The following SNCG variants were observed in gnomAD, a reference collection of about 807,000 sequenced individuals.
The protein encoded by SNCG is gamma-synuclein.
Under a neutral mutation model 16.0 loss-of-function variants are expected in SNCG, and 13 were observed. The observed-to-expected ratio is 0.81, with a 90% CI of 0.53 to 1.29. SNCG has a LOEUF of 1.29. Ranked by LOEUF, SNCG falls within the 50% of genes most tolerant of loss-of-function variation. The probability of loss-of-function intolerance (pLI) is 0.00; values close to 1 mark genes in which losing one functional copy is unlikely to be tolerated. For synonymous variants in SNCG, 66 were observed against 66.3 expected, an observed-to-expected ratio of 1.00 and a Z score of 0.02; for missense variants, 154 against 168.5, an observed-to-expected ratio of 0.91 and a Z score of 0.48.
At chr10:86,962,262 C>T (rs1477549275) in intron 3 of SNCG, among the ~76,000 whole-genome samples, 4 of 152,222 alleles carry the variant, frequency 2.6e-5, no homozygotes, top group Non-Finnish European at 5.9e-5. Flanking sequence ...AGACCTGGGG[C>T]TTCAGGGGCC....
At chr10:86,957,267 T>G, upstream of SNCG, 1 of 1,125,392 alleles carries the variant, frequency 8.9e-7, no homozygotes, top group Non-Finnish European at 1.3e-6. Flanking sequence ...ATAGATACTA[T>G]TAGCCCATTT....
In SNCG at chr10:86,959,503, G is replaced by T; in HGVS notation, c.122-130G>T. ...CAGGAAGAGGCCCTCTGAAGGGGCC[G>T]CCGGCCCCCAGACACCATCCTTACC... On this transcript the variant is annotated intron_variant, in intron 1 of 4. Coordinates refer to ENST00000372017, the MANE Select transcript of SNCG (RefSeq NM_003087.3). This position sits in a 1 kb window ranked among gnomAD's most constrained non-coding sequence, Gnocchi z 4.3. 1 of 750,266 alleles carries T rather than the reference G, an allele frequency of 1.3e-6. No individual in the cohort carries two copies. The allele number at this position is 750,266 out of a possible 1,614,324, so 46.5% of individuals were successfully genotyped here.
chr10:86,959,061 G>C lies in SNCG; in HGVS notation c.121+243G>C, dbSNP rs1367328955. On this transcript the variant is annotated intron_variant, in intron 1 of 4. Coordinates refer to ENST00000372017, the MANE Select transcript of SNCG (RefSeq NM_003087.3). The surrounding 1 kb of genome is among the most constrained non-coding windows in gnomAD (Gnocchi z 4.3). ...AGACCGCAGACAGGGCTGGCTACCT[G>C]TCTGTGCACGCACACACACATTCCC... is the stretch of plus-strand genomic sequence containing the variant. Among the ~76,000 whole-genome samples the C allele has an allele frequency of 2.0e-5, 3 of 152,144 alleles. No individual in the cohort carries two copies. The highest frequency in any genetic ancestry group is 4.4e-5 in the Non-Finnish European group (3 of 68,002).
chr10:86,963,251 C>G lies in SNCG; in HGVS notation c.*266C>G. On this transcript the variant is annotated 3_prime_UTR_variant, in exon 5 of 5. Coordinates refer to ENST00000372017, the MANE Select transcript of SNCG (RefSeq NM_003087.3). ...AAATGATTCCAAATAAAACTTGAGC[C>G]CACTCCTGCCATGCTTCCTCTGGGT... 2.5e-6 allele frequency: 1 copy of G among 404,256 alleles called. No homozygotes were observed. The highest frequency in any genetic ancestry group is 4.4e-6 in the Non-Finnish European group (1 of 227,356). 25.0% of individuals were successfully genotyped at this position (404,256 alleles called of 1,614,324 possible). A position where few individuals can be genotyped will look rare whatever the true frequency, so the allele number is the denominator to read the frequency against.
rs1389403924 is a variant in SNCG at position 86,959,050 on chromosome 10, G to T, written c.121+232G>T. ...CTGGGTGTCAGAGACCGCAGACAGG[G>T]CTGGCTACCTGTCTGTGCACGCACA... is the stretch of plus-strand genomic sequence containing the variant. On this transcript the variant is annotated intron_variant, in intron 1 of 4. Coordinates refer to ENST00000372017, the MANE Select transcript of SNCG (RefSeq NM_003087.3). This position sits in a 1 kb window ranked among gnomAD's most constrained non-coding sequence, Gnocchi z 4.3. Among the ~76,000 whole-genome samples the T allele has an allele frequency of 6.6e-6, 1 of 152,138 alleles. No homozygotes were observed. The highest frequency in any genetic ancestry group is 1.9e-4 in the East Asian group (1 of 5,182).
chr10:86,956,083 G>A (rs545739827), upstream of SNCG, among the ~76,000 whole-genome samples: 29 of 152,174 alleles, frequency 1.9e-4, no homozygotes, highest in Non-Finnish European at 3.4e-4. Context: ...AGACTAAGGC[G>A]TGGAGCTTCC....
upstream of SNCG, chr10:86,957,494 C>T (rs773902733): frequency 5.0e-6 from 8 of 1,613,038 alleles, no homozygotes; most frequent in Non-Finnish European, 6.8e-6. Flanking sequence ...CCCCCAGCAG[C>T]CCCCAGCCCA....
At chr10:86,956,775 G>C (rs769253126), upstream of SNCG, among the ~76,000 whole-genome samples, 1 of 152,224 alleles carries the variant, frequency 6.6e-6, no homozygotes, top group Non-Finnish European at 1.5e-5. Flanking sequence ...GATGAGGGGG[G>C]ACTTACAGGC....
upstream of SNCG, chr10:86,958,497 T>TACCAC: frequency 9.1e-7 from 1 of 1,098,150 alleles, no homozygotes; most frequent in Non-Finnish European, 1.2e-6. Context: ...TGAACCTCCT[T>TACCAC]CCCTCCCTCC....
chr10:86,960,139 G>A lies in SNCG; in HGVS notation c.291+11G>A. On this transcript the variant is annotated intron_variant, in intron 3 of 4. Transcript: ENST00000372017. ...GGGGTGGTGCGCAAGGTGAGCCCCG[G>A]CCCTCAGACCTGCCCAGTCCTCTCC... 3 of 1,609,310 alleles carry A rather than the reference G, an allele frequency of 1.9e-6. No homozygotes were observed. Among genetic ancestry groups the A allele is most frequent in the Middle Eastern group, 1.7e-4 (1 of 6,040 alleles).
Position 86,959,483 on chromosome 10 carries a change from A to C in SNCG, c.122-150A>C. On this transcript the variant is annotated intron_variant, in intron 1 of 4. Transcript: ENST00000372017. This position sits in a 1 kb window ranked among gnomAD's most constrained non-coding sequence, Gnocchi z 4.3. ...TCCACTTCTTCCAGACACAGCAGGA[A>C]GAGGCCCTCTGAAGGGGCCGCCGGC... 7 of 674,330 alleles carry C rather than the reference A, an allele frequency of 1.0e-5. No homozygotes were observed. Among genetic ancestry groups the C allele is most frequent in the East Asian group, 2.7e-5 (1 of 36,796 alleles). 41.8% of individuals were successfully genotyped at this position (674,330 alleles called of 1,614,324 possible). A position where few individuals can be genotyped will look rare whatever the true frequency, so the allele number is the denominator to read the frequency against.
chr10:86,958,880 T>C (rs1844286113), intron 1 of SNCG, 62 bp downstream of exon 1: 5 of 1,521,272 alleles, frequency 3.3e-6, no homozygotes, highest in Non-Finnish European at 4.5e-6. Context: ...CCAGTTACCT[T>C]CGCCAGACCT....
At chr10:86,960,710 T>G (rs1005566526) in intron 3 of SNCG, among the ~76,000 whole-genome samples, 1 of 152,200 alleles carries the variant, frequency 6.6e-6, no homozygotes, top group East Asian at 1.9e-4. Flanking sequence ...AATGTGTGGG[T>G]GTACATGCGT....
chr10:86,960,776 C>T (rs970946940), intron 3 of SNCG, among the ~76,000 whole-genome samples: 3 of 152,220 alleles, frequency 2.0e-5, no homozygotes, highest in Non-Finnish European at 2.9e-5. Context: ...AGCAGTGGGG[C>T]GCACCCCAGG....
chr10:86,957,238 C>T (rs1480437644), upstream of SNCG: 24 of 877,748 alleles, frequency 2.7e-5, no homozygotes, highest in Non-Finnish European at 4.1e-5. Context: ...ACTTTTTCAG[C>T]CTCACAGATG....
chr10:86,958,661 C>G lies in SNCG; in HGVS notation c.-37C>G. ...CGCAGCTCGCAGGGAGATCCAGCTC[C>G]GTCCTGCCTGCAGCAGCACAACCCT... On this transcript the variant is annotated 5_prime_UTR_variant, in exon 1 of 5. Transcript: ENST00000372017. The G allele has an allele frequency of 6.2e-7, 1 of 1,612,816 alleles. No individual in the cohort carries two copies. Among genetic ancestry groups the G allele is most frequent in the Non-Finnish European group, 8.5e-7 (1 of 1,179,714 alleles).
rs1312513240 is a variant in SNCG at position 86,962,584 on chromosome 10, C to A, written c.292-20C>A. The A allele has an allele frequency of 6.3e-7, 1 of 1,589,528 alleles. No homozygotes were observed. ...TCTGCATTCTCCACATGGTCTCATGCCCCCTTTTGTCCCCTACAGGAGGAC... is the reference window on the plus strand; with the variant it reads ...TCTGCATTCTCCACATGGTCTCATGACCCCTTTTGTCCCCTACAGGAGGAC... On this transcript the variant is annotated intron_variant, in intron 3 of 4. Coordinates refer to ENST00000372017, the MANE Select transcript of SNCG (RefSeq NM_003087.3).
intron 4 of SNCG, 87 bp downstream of exon 4, chr10:86,962,762 T>G (rs1474544415): frequency 1.6e-6 from 2 of 1,257,594 alleles, no homozygotes; most frequent in Non-Finnish European, 2.2e-6. Context: ...CCTCCTGGGC[T>G]CCCAGGGCCC....
At chr10:86,962,475 C>A in intron 3 of SNCG, 129 bp from the exon 4 acceptor site, 1 of 625,814 alleles carries the variant, frequency 1.6e-6, no homozygotes, top group Non-Finnish European at 2.9e-6. Context: ...CCAGCCCCTC[C>A]AAGTACAACA....
Sources: allele counts gnomAD v4.1 joint callset (sites outside exome capture counted in the v4.1 genomes callset), GRCh38; gene constraint gnomAD v4.1.1; non-coding constraint Gnocchi (gnomAD v3.1); transcripts MANE v1.5; gene names NCBI Gene and HGNC (gene_info 2026-07-23, HGNC 2026-07-21).